The following MAPT variants were observed in gnomAD, a reference collection of about 807,000 sequenced individuals.
MAPT encodes the protein microtubule associated protein tau.
MAPT carries 34 observed loss-of-function variants against 67.9 expected under a neutral mutation model. The ratio of observed to expected loss-of-function variants is 0.50; its 90% CI spans 0.38 to 0.67. The LOEUF is 0.67. MAPT is among the 30% of genes least tolerant of loss of function. The pLI, the probability that MAPT is intolerant of heterozygous loss-of-function variation, is 0.00. For missense variants in MAPT, 881 were observed against 1,115.2 expected (o/e 0.79, Z 2.99); for synonymous variants, 456 against 464.5 (o/e 0.98, Z 0.23).
At chr17:46,000,807 TCA>T (rs2074938971) in intron 9 of MAPT, among the ~76,000 whole-genome samples, 1 of 152,186 alleles carries the variant, frequency 6.6e-6, no homozygotes, top group Non-Finnish European at 1.5e-5. Flanking sequence ...TGCCTGGTCC[TCA>T]GTCAGCTCAG....
At chr17:45,927,766 C>T (rs2066480065) in intron 1 of MAPT, among the ~76,000 whole-genome samples, 1 of 151,924 alleles carries the variant, frequency 6.6e-6, no homozygotes, top group Admixed American at 6.6e-5. Context: ...TTTGGGAGGC[C>T]AAGGTGGGTG....
chr17:45,907,352 C>T (rs549628762), intron 1 of MAPT, among the ~76,000 whole-genome samples: 9 of 152,198 alleles, frequency 5.9e-5, no homozygotes, highest in Non-Finnish European at 1.2e-4. Context: ...CCAGAGGCTA[C>T]GCGTTTCCTC....
At chr17:45,944,859 G>A (rs148299607) in intron 1 of MAPT, among the ~76,000 whole-genome samples, 210 of 152,268 alleles carry the variant, frequency 1.4e-3, no homozygotes, top group Middle Eastern at 6.8e-3. Context: ...GAGAGTGGCC[G>A]TGATGCTGCT....
chr17:46,006,954 T>A (rs551701454), intron 9 of MAPT, among the ~76,000 whole-genome samples: 3 of 125,318 alleles, frequency 2.4e-5, no homozygotes, highest in East Asian at 2.3e-4. Flanking sequence ...AATAAAATAA[T>A]AAAATAAAAT....
At chr17:45,942,615 T>C (rs1174183991) in intron 1 of MAPT, among the ~76,000 whole-genome samples, 1 of 152,210 alleles carries the variant, frequency 6.6e-6, no homozygotes, top group Non-Finnish European at 1.5e-5. Context: ...GGCACTATTA[T>C]AATGCAAATC....
At chr17:45,933,706 C>T (rs1455153089) in intron 1 of MAPT, among the ~76,000 whole-genome samples, 2 of 152,182 alleles carry the variant, frequency 1.3e-5, no homozygotes, top group Admixed American at 6.5e-5. Context: ...CCCAGTGCCA[C>T]GCGATGCCAT....
rs1003148619 is a variant in MAPT at position 46,024,770 on chromosome 17, A to C, written c.*599A>C. On this transcript the variant is annotated 3_prime_UTR_variant, in exon 13 of 13. Transcript: ENST00000262410. Reference sequence around the variant, plus strand: ...GCACAAGAAGTGGGAGTGGGAGAGGAAGCCACGTGCTGGAGAGTAGACATC... The same window carrying C: ...GCACAAGAAGTGGGAGTGGGAGAGGCAGCCACGTGCTGGAGAGTAGACATC... 6 of 182,690 alleles carry C rather than the reference A, an allele frequency of 3.3e-5. No homozygotes were observed. The highest frequency in any genetic ancestry group is 1.4e-4 in the African/African-American group (6 of 42,068). The allele number at this position is 182,690 out of a possible 1,614,324, so 11.3% of individuals were successfully genotyped here. A position where few individuals can be genotyped will look rare whatever the true frequency, so the allele number is the denominator to read the frequency against.
chr17:45,965,481 T>C (rs1290847906), intron 2 of MAPT, among the ~76,000 whole-genome samples: 1 of 151,328 alleles, frequency 6.6e-6, no homozygotes, highest in Non-Finnish European at 1.5e-5. Context: ...AGTGGCGCCA[T>C]CTCGGCTCAC....
At position 45,982,918 on chromosome 17, in the gene MAPT, C is replaced by A; in HGVS notation, c.339C>A (p.Ala113=). The A allele has an allele frequency of 7.4e-7, 1 of 1,359,312 alleles. No individual in the cohort carries two copies. The highest frequency in any genetic ancestry group is 9.5e-7 in the Non-Finnish European group (1 of 1,057,406). The allele number at this position is 1,359,312 out of a possible 1,614,324, so 84.2% of individuals were successfully genotyped here. Residue 113 remains alanine, a synonymous_variant, in exon 5 of 13, where the codon GCC becomes GCA. Transcript: ENST00000262410. ...GGAAGGCGCCTGAAAGGCCCCTGGCCAATGAGATTAGCGCCCACGTCCAGC... is the reference window on the plus strand; with the variant it reads ...GGAAGGCGCCTGAAAGGCCCCTGGCAAATGAGATTAGCGCCCACGTCCAGC... The part of the protein sequence containing the change: ...RQRKAPERPL[A]NEISAHVQPG...
At chr17:45,956,548 TTATATATATA>T (rs57223421) in intron 1 of MAPT, among the ~76,000 whole-genome samples, 20 of 95,264 alleles carry the variant, frequency 2.1e-4, no homozygotes, top group African/African-American at 7.1e-4. Flanking sequence ...GCAGGTTCTT[TTATATATATA>T]TATATATATA....
rs1002937265 is a variant in MAPT, at chr17:45,971,654, G to A, written c.134-205G>A. On this transcript the variant is annotated intron_variant, in intron 2 of 12. Coordinates refer to ENST00000262410, the MANE Select transcript of MAPT (RefSeq NM_001377265.1). The surrounding 1 kb of genome is among the most constrained non-coding windows in gnomAD (Gnocchi z 4.3). Reference sequence around the variant, plus strand: ...CACATCACCTGTGTCCTCATCTGATGGCCCTGGTGTGGGGCACAGTCGTGT... The same window carrying A: ...CACATCACCTGTGTCCTCATCTGATAGCCCTGGTGTGGGGCACAGTCGTGT... Among the ~76,000 whole-genome samples, 1 of 152,160 alleles carries A rather than the reference G, an allele frequency of 6.6e-6. No homozygotes were observed. Among genetic ancestry groups the A allele is most frequent in the Non-Finnish European group, 1.5e-5 (1 of 68,032 alleles).
chr17:45,907,074 T>A (rs773383140), intron 1 of MAPT, among the ~76,000 whole-genome samples: 10 of 152,152 alleles, frequency 6.6e-5, no homozygotes, highest in Non-Finnish European at 1.2e-4. Context: ...CCTCTCCAAG[T>A]GTGGTCCTGC....
chr17:46,019,617 C>A (rs2076397307), intron 12 of MAPT, among the ~76,000 whole-genome samples: 1 of 151,868 alleles, frequency 6.6e-6, no homozygotes, highest in South Asian at 2.1e-4. Context: ...AATATGCCCA[C>A]CTCGGCCTCC....
In MAPT at chr17:45,982,990, G is replaced by C; in HGVS notation, c.411G>C (p.Gly137=). ...CTGGGGTCTCTGGGCCGTGCCTCGG[G>C]GAGAAAGAGCCAGAAGCTCCCGTCC... ...EASGVSGPCL[G]EKEPEAPVPL... is the part of the protein sequence containing the mutation. The change falls in exon 5 of 13, where the codon GGG becomes GGC. Residue 137 remains glycine (G), a synonymous_variant. Coordinates refer to ENST00000262410, the MANE Select transcript of MAPT (RefSeq NM_001377265.1). The C allele has an allele frequency of 6.9e-7, 1 of 1,442,076 alleles. No homozygotes were observed. Among genetic ancestry groups the C allele is most frequent in the East Asian group, 2.5e-5 (1 of 39,948 alleles). 89.3% of individuals were successfully genotyped at this position (1,442,076 alleles called of 1,614,324 possible).
At chr17:45,920,501 G>A (rs757400732) in intron 1 of MAPT, among the ~76,000 whole-genome samples, 4 of 152,082 alleles carry the variant, frequency 2.6e-5, no homozygotes, top group African/African-American at 7.2e-5. Context: ...TTGACCCTCC[G>A]GCCCCAGCAT....
intron 8 of MAPT, chr17:45,994,011 C>G: frequency 6.5e-7 from 1 of 1,541,942 alleles, no homozygotes; most frequent in Non-Finnish European, 8.8e-7. Flanking sequence ...GGAGCAGCCT[C>G]CCTTTGCGTG....
At chr17:46,008,703 C>T (rs967207995) in intron 9 of MAPT, among the ~76,000 whole-genome samples, 3 of 152,076 alleles carry the variant, frequency 2.0e-5, no homozygotes, top group Non-Finnish European at 4.4e-5. Context: ...ACGGGATGAA[C>T]CAGAAGTCAG....
At chr17:45,994,934 G>A (rs894080771) in intron 8 of MAPT, among the ~76,000 whole-genome samples, 4 of 152,100 alleles carry the variant, frequency 2.6e-5, no homozygotes, top group African/African-American at 9.7e-5. Flanking sequence ...TGTAATATCA[G>A]CTACTCGGGA....
chr17:45,965,627 G>A (rs1460061864), intron 2 of MAPT, among the ~76,000 whole-genome samples: 1 of 151,802 alleles, frequency 6.6e-6, no homozygotes, highest in Non-Finnish European at 1.5e-5. Flanking sequence ...TGTTGGCCAG[G>A]CTCGTCTGGG....
Sources: allele counts gnomAD v4.1 joint callset (sites outside exome capture counted in the v4.1 genomes callset), GRCh38; gene constraint gnomAD v4.1.1; non-coding constraint Gnocchi (gnomAD v3.1); transcripts MANE v1.5; gene names NCBI Gene and HGNC (gene_info 2026-07-23, HGNC 2026-07-21).